Variants in ZBTB3 observed in about 807,000 individuals in gnomAD.
ZBTB3 encodes zinc finger and BTB domain containing 3, also known as zinc finger and BTB domain-containing protein 3.
In ZBTB3, 15 loss-of-function variants were observed where a neutral mutation model predicts 30.6. That is an observed-to-expected ratio of 0.49 (90% CI 0.33 to 0.75). ZBTB3 has a LOEUF of 0.75. Among genes scored for constraint, ZBTB3 ranks in the 30% least tolerant of loss-of-function variants. The pLI, the probability that ZBTB3 is intolerant of heterozygous loss-of-function variation, is 0.02. For synonymous variants in ZBTB3, 258 were observed against 261.7 expected, an observed-to-expected ratio of 0.99 and a Z score of 0.14; for missense variants, 599 against 652.1, an observed-to-expected ratio of 0.92 and a Z score of 0.89.
rs1029851023 is a variant in ZBTB3 at position 62,752,611 on chromosome 11, C to T, written c.1054G>A (p.Ala352Thr). ...SQPEAFEDPG[A>T]AGLEEVGPSD... ...GGCCCCACCTCCTCCAGTCCTGCTGCCCCTGGGTCTTCAAAAGCCTCTGGC... is the reference window on the plus strand; with the variant it reads ...GGCCCCACCTCCTCCAGTCCTGCTGTCCCTGGGTCTTCAAAAGCCTCTGGC... Residue 352 changes from alanine to threonine, a missense_variant, in exon 2 of 2, where the codon GCA (alanine) becomes ACA (threonine). Transcript: ENST00000394807. 2.5e-6 allele frequency: 4 copies of T among 1,614,204 alleles called. No homozygotes were observed. The highest frequency in any genetic ancestry group is 3.4e-6 in the Non-Finnish European group (4 of 1,180,048).
rs491333 is a variant in ZBTB3, at chr11:62,752,221, T to C, written c.1444A>G (p.Lys482Glu). Reference protein sequence around the residue: ...AHNEDLAKRSKPDPEVGPLLG... With the variant: ...AHNEDLAKRSEPDPEVGPLLG... ...AGGGGTCCCACTTCTGGATCTGGTT[T>C]GCTGCGTTTGGCCAGGTCCTCATTG... The change falls in exon 2 of 2, where the codon AAA (lysine) becomes GAA (glutamate). Residue 482 changes from lysine (K) to glutamate (E), a missense_variant. By Grantham distance (56) the Lys-to-Glu change is moderately conservative. Coordinates refer to ENST00000394807, the MANE Select transcript of ZBTB3 (RefSeq NM_001370809.1). 6.2e-7 allele frequency: 1 copy of C among 1,614,090 alleles called. No homozygotes were observed. Among genetic ancestry groups the C allele is most frequent in the Non-Finnish European group, 8.5e-7 (1 of 1,180,036 alleles).
rs1346478669 is a variant in ZBTB3 at position 62,751,289 on chromosome 11, T to C, written c.*801A>G. 6.6e-6 allele frequency: 1 copy of C among 151,012 alleles called. No individual in the cohort carries two copies. The highest frequency in any genetic ancestry group is 1.5e-5 in the Non-Finnish European group (1 of 67,738). The allele number at this position is 151,012 out of a possible 1,614,324, so 9.4% of individuals were successfully genotyped here. The stretch of plus-strand genomic sequence containing the variant: ...GGTGGCGCGTTCCTGTAATCCCAGC[T>C]ACTCAAGAGGCTGAGTTAAGAGAAT... On this transcript the variant is annotated 3_prime_UTR_variant, in exon 2 of 2. Coordinates refer to ENST00000394807, the MANE Select transcript of ZBTB3 (RefSeq NM_001370809.1).
rs1186061437 is a variant in ZBTB3 at position 62,752,466 on chromosome 11, G to A, written c.1199C>T (p.Pro400Leu). ...PLPAPASLHE[P>L]LYLSSEYEAA... ...TTCGTACTCAGAAGACAGGTAAAGT[G>A]GCTCATGCAGGGATGCGGGTGCAGG... The change falls in exon 2 of 2, where the codon CCA becomes CTA. Residue 400 changes from proline (P) to leucine (L), a missense_variant. By Grantham distance (98) the Pro-to-Leu change is moderately conservative (BLOSUM62 -3). Coordinates refer to ENST00000394807, the MANE Select transcript of ZBTB3 (RefSeq NM_001370809.1). The A allele has an allele frequency of 1.3e-5, 21 of 1,614,078 alleles. No homozygotes were observed. Among genetic ancestry groups the A allele is most frequent in the Non-Finnish European group, 1.8e-5 (21 of 1,180,056 alleles).
At position 62,752,813 on chromosome 11, in the gene ZBTB3, A is replaced by C. The variant is rs1565178862; in HGVS notation, c.852T>G (p.Pro284=). The change falls in exon 2 of 2, where the codon CCT becomes CCG. Residue 284 remains proline, a synonymous_variant. Transcript: ENST00000394807. ...PASAPTSAPA[P]VSAPVPSQAP... ...CCTGGGATGGAACTGGAGCTGAGAC[A>C]GGGGCTGGGGCTGACGTTGGGGCTG... 1 of 1,614,080 alleles carries C rather than the reference A, an allele frequency of 6.2e-7. No homozygotes were observed. Among genetic ancestry groups the C allele is most frequent in the Admixed American group, 1.7e-5 (1 of 60,008 alleles).
In ZBTB3 at chr11:62,754,129, A is replaced by C. The variant is rs1590924742; in HGVS notation, c.-217T>G. On this transcript the variant is annotated 5_prime_UTR_variant, in exon 1 of 2. Transcript: ENST00000394807. ...AACTAGCGGAGAAAGCTGATACCTC[A>C]CCCACCACCGAGCAGCCACAGGGCG... 2.0e-6 allele frequency: 3 copies of C among 1,500,762 alleles called. No homozygotes were observed. The highest frequency in any genetic ancestry group is 2.8e-6 in the Non-Finnish European group (3 of 1,080,596). 93.0% of individuals were successfully genotyped at this position (1,500,762 alleles called of 1,614,324 possible). A position where few individuals can be genotyped will look rare whatever the true frequency, so the allele number is the denominator to read the frequency against.
In ZBTB3 at chr11:62,751,962, A is replaced by AC; in HGVS notation, c.*127_*128insG. ...AAAAATAAAAGATTAAAAAAAAAAA[A>AC]GGGTAGGAACTTTCAGCCTGGGCAG... On this transcript the variant is annotated 3_prime_UTR_variant, in exon 2 of 2. Coordinates refer to ENST00000394807, the MANE Select transcript of ZBTB3 (RefSeq NM_001370809.1). The AC allele has an allele frequency of 1.2e-6, 1 of 823,070 alleles. No individual in the cohort carries two copies. The highest frequency in any genetic ancestry group is 1.8e-6 in the Non-Finnish European group (1 of 559,376). The allele number at this position is 823,070 out of a possible 1,614,324, so 51.0% of individuals were successfully genotyped here. A position where few individuals can be genotyped will look rare whatever the true frequency, so the allele number is the denominator to read the frequency against.
chr11:62,753,796 A>G, intron 1 of ZBTB3, 81 bp from the exon 2 acceptor site: 1 of 1,537,818 alleles, frequency 6.5e-7, no homozygotes, highest in Non-Finnish European at 8.7e-7. Flanking sequence ...TGCCACTCCA[A>G]AACAATCGCT....
At position 62,754,113 on chromosome 11, in the gene ZBTB3, A is replaced by G; in HGVS notation, c.-201T>C. On this transcript the variant is annotated 5_prime_UTR_variant, in exon 1 of 2. Coordinates refer to ENST00000394807, the MANE Select transcript of ZBTB3 (RefSeq NM_001370809.1). ...GGACTACCAGGGTGGGAACTAGCGG[A>G]GAAAGCTGATACCTCACCCACCACC... is the stretch of plus-strand genomic sequence containing the variant. The G allele has an allele frequency of 6.3e-7, 1 of 1,581,440 alleles. No individual in the cohort carries two copies. The highest frequency in any genetic ancestry group is 1.7e-4 in the Middle Eastern group (1 of 6,006).
rs760072294 is a variant in ZBTB3 at position 62,752,607 on chromosome 11, G to C, written c.1058C>G (p.Ala353Gly). Residue 353 changes from alanine (A) to glycine (G), a missense_variant, in exon 2 of 2, where the codon GCA (alanine) becomes GGA (glycine). Transcript: ENST00000394807. ...QPEAFEDPGA[A>G]GLEEVGPSDH... ...ACTTGGCCCCACCTCCTCCAGTCCTGCTGCCCCTGGGTCTTCAAAAGCCTC... is the reference window on the plus strand; with the variant it reads ...ACTTGGCCCCACCTCCTCCAGTCCTCCTGCCCCTGGGTCTTCAAAAGCCTC... The C allele has an allele frequency of 6.2e-7, 1 of 1,614,208 alleles. No homozygotes were observed. The highest frequency in any genetic ancestry group is 1.1e-5 in the South Asian group (1 of 91,084).
At chr11:62,753,906 T>TA in intron 1 of ZBTB3, 58 bp downstream of exon 1, 2 of 1,588,306 alleles carry the variant, frequency 1.3e-6, no homozygotes, top group Admixed American at 1.7e-5. Context: ...CCCCGTCCGA[T>TA]AAGCCCTGCC....
chr11:62,753,411 GCATA>G lies in ZBTB3; in HGVS notation c.250_253del (p.Tyr84LeufsTer4). On this transcript the variant is annotated frameshift_variant, in exon 2 of 2. Coordinates refer to ENST00000394807, the MANE Select transcript of ZBTB3 (RefSeq NM_001370809.1). LOFTEE classifies it high-confidence loss of function. ...ATCCCCTCTCAGGGTCAGCTGGCCAGCATACATAAAGTCCAGAAGCAGCCCAAAG... is the reference window on the plus strand; with the variant it reads ...ATCCCCTCTCAGGGTCAGCTGGCCAGCATAAAGTCCAGAAGCAGCCCAAAG... 6.2e-7 allele frequency: 1 copy of G among 1,614,184 alleles called. No individual in the cohort carries two copies. The highest frequency in any genetic ancestry group is 8.5e-7 in the Non-Finnish European group (1 of 1,180,032).
Position 62,751,992 on chromosome 11 carries a change from T to G in ZBTB3, c.*98A>C. On this transcript the variant is annotated 3_prime_UTR_variant, in exon 2 of 2. Transcript: ENST00000394807. Reference sequence around the variant, plus strand: ...AGGAACTTTCAGCCTGGGCAGAGCCTTTATTCTTGTCACCCAGCAGGGGTG... The same window carrying G: ...AGGAACTTTCAGCCTGGGCAGAGCCGTTATTCTTGTCACCCAGCAGGGGTG... 1.6e-6 allele frequency: 2 copies of G among 1,247,186 alleles called. No individual in the cohort carries two copies. Among genetic ancestry groups the G allele is most frequent in the Non-Finnish European group, 2.2e-6 (2 of 906,784 alleles). The allele number at this position is 1,247,186 out of a possible 1,614,324, so 77.3% of individuals were successfully genotyped here. A position where few individuals can be genotyped will look rare whatever the true frequency, so the allele number is the denominator to read the frequency against.
In ZBTB3 at chr11:62,752,486, T is replaced by C; in HGVS notation, c.1179A>G (p.Ala393=). 6.2e-7 allele frequency: 1 copy of C among 1,614,044 alleles called. No homozygotes were observed. Among genetic ancestry groups the C allele is most frequent in the Non-Finnish European group, 8.5e-7 (1 of 1,180,014 alleles). The change falls in exon 2 of 2, where the codon GCA becomes GCG. Residue 393 remains alanine, a synonymous_variant. Transcript: ENST00000394807. ...AAAGTGGCTCATGCAGGGATGCGGGTGCAGGCAGAGGTGAGGTCACCAGTC... is the reference window on the plus strand; with the variant it reads ...AAAGTGGCTCATGCAGGGATGCGGGCGCAGGCAGAGGTGAGGTCACCAGTC... ...HRGLVTSPLP[A]PASLHEPLYL...
Position 62,752,661 on chromosome 11 carries a change from G to A in ZBTB3, c.1004C>T (p.Ala335Val). 6.2e-7 allele frequency: 1 copy of A among 1,614,178 alleles called. No individual in the cohort carries two copies. The highest frequency in any genetic ancestry group is 8.5e-7 in the Non-Finnish European group (1 of 1,180,046). ...GPERAFPSGG[A>V]VYGAQPSQPE... The stretch of plus-strand genomic sequence containing the variant: ...CTGGGAGGGCTGTGCCCCATACACT[G>A]CTCCTCCAGATGGGAAAGCTCTCTC... The change falls in exon 2 of 2, where the codon GCA becomes GTA. Residue 335 changes from alanine to valine, a missense_variant. Physicochemically the swap from Ala to Val is moderately conservative, Grantham distance 64 (BLOSUM62 0). Transcript: ENST00000394807.
Position 62,752,349 on chromosome 11 carries a change from C to T in ZBTB3, c.1316G>A (p.Arg439Gln), listed in dbSNP as rs374520382. ...CTCACGTGTGTGCACCGTGGCATGT[C>T]GCCGTAGTGTGTAAGAGCATGAGAA... ...KTFSCSYTLR[R>Q]HATVHTRERP... is the part of the protein sequence containing the mutation. Residue 439 changes from arginine (R) to glutamine (Q), a missense_variant, in exon 2 of 2, where the codon CGA becomes CAA. By Grantham distance (43) the Arg-to-Gln change is conservative (BLOSUM62 1). Transcript: ENST00000394807. 1.9e-6 allele frequency: 3 copies of T among 1,614,026 alleles called. No homozygotes were observed. Among genetic ancestry groups the T allele is most frequent in the Non-Finnish European group, 2.5e-6 (3 of 1,180,036 alleles).
In ZBTB3 at chr11:62,753,972, G is replaced by A. The variant is rs2084041476; in HGVS notation, c.-60C>T. On this transcript the variant is annotated 5_prime_UTR_variant, in exon 1 of 2. It adds an upstream start codon to the 5' untranslated region. Coordinates refer to ENST00000394807, the MANE Select transcript of ZBTB3 (RefSeq NM_001370809.1). ...GCTTCCTTGATGCCCACCCGGTAGC[G>A]TCCAACGGCTCCACGAAGTAGAGAT... 2 of 1,613,184 alleles carry A rather than the reference G, an allele frequency of 1.2e-6. No individual in the cohort carries two copies. Among genetic ancestry groups the A allele is most frequent in the African/African-American group, 2.7e-5 (2 of 74,570 alleles).
At position 62,753,213 on chromosome 11, in the gene ZBTB3, C is replaced by T. The variant is rs2084033020; in HGVS notation, c.452G>A (p.Arg151His). Residue 151 changes from arginine to histidine, a missense_variant, in exon 2 of 2, where the codon CGT becomes CAT. Coordinates refer to ENST00000394807, the MANE Select transcript of ZBTB3 (RefSeq NM_001370809.1). ...AGATGCCAACGAAGGTTGGGTGCCA[C>T]GGGAAGTACTAGACAAAAACTCCAA... ...PSLEFLSSTS[R>H]GTQPSLASAE... is the part of the protein sequence containing the mutation. 4 of 1,614,166 alleles carry T rather than the reference C, an allele frequency of 2.5e-6. No individual in the cohort carries two copies. The highest frequency in any genetic ancestry group is 2.5e-6 in the Non-Finnish European group (3 of 1,180,032).
chr11:62,753,853 A>G, intron 1 of ZBTB3, 111 bp downstream of exon 1: 8 of 1,551,426 alleles, frequency 5.2e-6, no homozygotes, highest in South Asian at 1.2e-5. Context: ...AAGCTCTCCC[A>G]TTAGCTCCGC....
chr11:62,752,742 G>T lies in ZBTB3; in HGVS notation c.923C>A (p.Ala308Asp). Reference sequence around the variant, plus strand: ...AGTCTCTTCATCAGAGATCACAATAGCTTCAACTTTCACCTGGACCAGCTC... The same window carrying T: ...AGTCTCTTCATCAGAGATCACAATATCTTCAACTTTCACCTGGACCAGCTC... ...EAELVQVKVEAIVISDEETDV... is the reference protein window; with the variant it reads ...EAELVQVKVEDIVISDEETDV... Residue 308 changes from alanine (A) to aspartate (D), a missense_variant, in exon 2 of 2, where the codon GCT (alanine) becomes GAT (aspartate). By Grantham distance (126) the Ala-to-Asp change is moderately radical. Transcript: ENST00000394807. 3.1e-6 allele frequency: 5 copies of T among 1,614,196 alleles called. No homozygotes were observed. Among genetic ancestry groups the T allele is most frequent in the Non-Finnish European group, 4.2e-6 (5 of 1,180,034 alleles).
Sources: gnomAD v4.1 joint callset for allele counts on GRCh38, gnomAD v4.1.1 for gene constraint, MANE v1.5 for transcripts, NCBI Gene and HGNC (gene_info 2026-07-23, HGNC 2026-07-21) for gene names.